Variants in IGF1R observed in about 807,000 individuals in gnomAD.
IGF1R encodes the protein insulin-like growth factor 1 receptor.
Under a neutral mutation model 144.6 loss-of-function variants are expected in IGF1R, and 44 were observed. The ratio of observed to expected loss-of-function variants is 0.30; its 90% CI spans 0.24 to 0.39. The LOEUF (loss-of-function observed/expected upper bound fraction) is 0.39. Ranked by LOEUF, IGF1R falls within the 10% of genes least tolerant of loss-of-function variation. The pLI, the probability that IGF1R is intolerant of heterozygous loss-of-function variation, is 1.00. For synonymous variants in IGF1R, 795 were observed against 722.8 expected (o/e 1.10, Z -1.60); for missense variants, 1,355 against 1,833.7 (o/e 0.74, Z 4.77).
intron 2 of IGF1R, chr15:98,880,672 A>G (rs927345132): frequency 1.1e-4 from 17 of 152,248 alleles, no homozygotes; most frequent in African/African-American, 2.9e-4. Flanking sequence ...CACAAGCTTG[A>G]CATAGCCTAT....
chr15:98,846,314 A>C (rs1240925126), intron 2 of IGF1R, among the ~76,000 whole-genome samples: 1 of 152,154 alleles, frequency 6.6e-6, no homozygotes, highest in Non-Finnish European at 1.5e-5. Context: ...TGCTCTGATA[A>C]AGTTATCAAG....
chr15:98,951,303 C>T (rs1220374051), intron 20 of IGF1R, among the ~76,000 whole-genome samples: 1 of 152,220 alleles, frequency 6.6e-6, no homozygotes, highest in African/African-American at 2.4e-5. Flanking sequence ...GATGCAGTGG[C>T]ACTGGGTTTC....
At chr15:98,791,216 C>T (rs2056120396) in intron 2 of IGF1R, among the ~76,000 whole-genome samples, 1 of 152,184 alleles carries the variant, frequency 6.6e-6, no homozygotes, top group Admixed American at 6.5e-5. Flanking sequence ...CTGCAAAGAT[C>T]TTGGGGGTGT....
rs1342039211 is a variant in IGF1R, at chr15:98,960,314, C to A, written c.*2872C>A. The A allele has an allele frequency of 4.3e-6, 1 of 232,972 alleles. No homozygotes were observed. Among genetic ancestry groups the A allele is most frequent in the Non-Finnish European group, 8.5e-6 (1 of 117,972 alleles). The allele number at this position is 232,972 out of a possible 1,614,324, so 14.4% of individuals were successfully genotyped here. On this transcript the variant is annotated 3_prime_UTR_variant, in exon 21 of 21. Transcript: ENST00000650285. ...TTGCTTTTTTTGTTTTGTTTTCTATCTTGGTTTCCACCAAGGTGTTAGATT... is the reference window on the plus strand; with the variant it reads ...TTGCTTTTTTTGTTTTGTTTTCTATATTGGTTTCCACCAAGGTGTTAGATT...
chr15:98,739,097 C>G (rs1188196956), intron 2 of IGF1R, among the ~76,000 whole-genome samples: 1 of 152,210 alleles, frequency 6.6e-6, no homozygotes, highest in Non-Finnish European at 1.5e-5. Context: ...AGTGTGTTCA[C>G]TATTTTTATG....
chr15:98,694,560 G>T (rs1218401930), intron 1 of IGF1R, among the ~76,000 whole-genome samples: 1 of 152,010 alleles, frequency 6.6e-6, no homozygotes, highest in Non-Finnish European at 1.5e-5. Context: ...AGGTGCCAGT[G>T]ACTGACACTT....
chr15:98,823,130 G>C (rs887779523), intron 2 of IGF1R, among the ~76,000 whole-genome samples: 7 of 152,120 alleles, frequency 4.6e-5, no homozygotes, highest in Non-Finnish European at 1.0e-4. Context: ...ATTTCTCCAG[G>C]TCTCCTCTCA....
chr15:98,687,432 C>T (rs1014319028), intron 1 of IGF1R, among the ~76,000 whole-genome samples: 1 of 152,178 alleles, frequency 6.6e-6, no homozygotes, highest in Non-Finnish European at 1.5e-5. Context: ...ATGTCTCGTC[C>T]TTAGTAAAGG....
chr15:98,924,730 G>A, intron 13 of IGF1R, 46 bp downstream of exon 13: 1 of 1,563,904 alleles, frequency 6.4e-7, no homozygotes, highest in South Asian at 1.1e-5. Context: ...CTGAAAGCAG[G>A]GTGGTCCAGG....
At chr15:98,863,494 A>C (rs538646500) in intron 2 of IGF1R, among the ~76,000 whole-genome samples, 12 of 151,992 alleles carry the variant, frequency 7.9e-5, no homozygotes, top group Non-Finnish European at 1.2e-4. Flanking sequence ...GTGATTTTCT[A>C]TTTCTGTTTT....
chr15:98,929,992 T>A (rs2015876691), intron 14 of IGF1R, among the ~76,000 whole-genome samples: 1 of 152,200 alleles, frequency 6.6e-6, no homozygotes, highest in African/African-American at 2.4e-5. Flanking sequence ...AACAGATGTT[T>A]CTTAAAAAGC....
rs2017104298 is a variant in IGF1R at position 98,958,565 on chromosome 15, T to C, written c.*1123T>C. ...TCAAGCATTCTAAGCTTTGTTGACA[T>C]TTTCTCTGTTCCTAGGACTTCTTCA... On this transcript the variant is annotated 3_prime_UTR_variant, in exon 21 of 21. Transcript: ENST00000650285. 8.6e-6 allele frequency: 2 copies of C among 232,716 alleles called. No homozygotes were observed. 14.4% of individuals were successfully genotyped at this position (232,716 alleles called of 1,614,324 possible).
chr15:98,718,167 C>G (rs1354577783), intron 2 of IGF1R, among the ~76,000 whole-genome samples: 1 of 152,178 alleles, frequency 6.6e-6, no homozygotes, highest in Non-Finnish European at 1.5e-5. Context: ...GGCCTCTGCC[C>G]GAAGCCGGGC....
chr15:98,729,219 A>AT (rs1322887215), intron 2 of IGF1R, among the ~76,000 whole-genome samples: 2 of 152,232 alleles, frequency 1.3e-5, no homozygotes, highest in Non-Finnish European at 2.9e-5. Context: ...TCTGAGATAA[A>AT]TTAAGTGGAA....
rs1395340918 is a variant in IGF1R, at chr15:98,963,331, C to CTAGTT, written c.*5892_*5896dup. The CTAGTT allele has an allele frequency of 2.6e-5, 6 of 233,018 alleles. No individual in the cohort carries two copies. The East Asian group carries it at 3.6e-4, about 14-fold the overall frequency. 14.4% of individuals were successfully genotyped at this position (233,018 alleles called of 1,614,324 possible). A position where few individuals can be genotyped will look rare whatever the true frequency, so the allele number is the denominator to read the frequency against. On this transcript the variant is annotated 3_prime_UTR_variant, in exon 21 of 21. Transcript: ENST00000650285. ...CTCTTTTCCCCCCATGCTTTTTGCC[C>CTAGTT]TAGTTTATAACAAAGGAATGATGAT...
chr15:98,867,571 A>C (rs2012523062), intron 2 of IGF1R, among the ~76,000 whole-genome samples: 2 of 151,990 alleles, frequency 1.3e-5, no homozygotes, highest in African/African-American at 4.8e-5. Flanking sequence ...GGTATCTTTT[A>C]TGACGTGAAT....
At chr15:98,883,557 C>T (rs1056648451) in intron 2 of IGF1R, among the ~76,000 whole-genome samples, 3 of 152,168 alleles carry the variant, frequency 2.0e-5, no homozygotes, top group Non-Finnish European at 2.9e-5. Context: ...CTCTTCTTCC[C>T]TGGGGTGATA....
intron 1 of IGF1R, among the ~76,000 whole-genome samples, chr15:98,650,498 C>T (rs1005070066): frequency 3.3e-5 from 5 of 152,220 alleles, no homozygotes; most frequent in Non-Finnish European, 7.4e-5. Context: ...GGGATGGTCT[C>T]CCAGTTTCTC....
intron 1 of IGF1R, among the ~76,000 whole-genome samples, chr15:98,698,402 C>G (rs1567081826): frequency 1.3e-5 from 2 of 152,210 alleles, no homozygotes; most frequent in Non-Finnish European, 2.9e-5. Context: ...CAATCAATCT[C>G]TAGAACACTT....
Sources: gnomAD v4.1 joint callset for allele counts (sites outside exome capture counted in the v4.1 genomes callset) on GRCh38, gnomAD v4.1.1 for gene constraint, MANE v1.5 for transcripts, NCBI Gene and HGNC (gene_info 2026-07-23, HGNC 2026-07-21) for gene names.